The following CTNNA2 variants were observed in gnomAD, a reference collection of about 807,000 sequenced individuals.
CTNNA2 encodes catenin alpha 2.
Under a neutral mutation model 101.0 loss-of-function variants are expected in CTNNA2, and 42 were observed. That is an observed-to-expected ratio of 0.42 (90% CI 0.32 to 0.54). The LOEUF (loss-of-function observed/expected upper bound fraction) is 0.54, where lower values mean the gene tolerates loss of function less well. CTNNA2 is among the 20% of genes least tolerant of loss of function. The probability of loss-of-function intolerance (pLI) is 0.14; values close to 1 mark genes in which losing one functional copy is unlikely to be tolerated. For synonymous variants in CTNNA2, 450 were observed against 456.4 expected, an observed-to-expected ratio of 0.99 and a Z score of 0.18; for missense variants, 871 against 1,223.1, an observed-to-expected ratio of 0.71 and a Z score of 4.29.
chr2:79,375,452 T>C (rs1677957084), intron 4 of CTNNA2, among the ~76,000 whole-genome samples: 1 of 152,100 alleles, frequency 6.6e-6, no homozygotes, highest in Admixed American at 6.6e-5. Flanking sequence ...GAAGAAAGAG[T>C]CCTCAAAGAT....
At chr2:79,332,630 G>A (rs1158774257) in intron 3 of CTNNA2, among the ~76,000 whole-genome samples, 6 of 152,118 alleles carry the variant, frequency 3.9e-5, no homozygotes, top group African/African-American at 9.7e-5. Context: ...TTTTAAAAAT[G>A]GTCAGCAATC....
intron 3 of CTNNA2, among the ~76,000 whole-genome samples, chr2:79,766,080 T>A (rs1223625698): frequency 6.6e-6 from 1 of 152,222 alleles, no homozygotes; most frequent in Non-Finnish European, 1.5e-5. Flanking sequence ...GTCAGTGTTA[T>A]AATATTCTGT....
At chr2:80,104,495 C>T (rs752052992) in intron 7 of CTNNA2, among the ~76,000 whole-genome samples, 25 of 152,120 alleles carry the variant, frequency 1.6e-4, no homozygotes, top group Non-Finnish European at 2.2e-4. Flanking sequence ...AACTTCTAAC[C>T]GACAATAAAC....
chr2:79,781,010 A>C (rs1674380541), intron 3 of CTNNA2, among the ~76,000 whole-genome samples: 1 of 152,224 alleles, frequency 6.6e-6, no homozygotes. Context: ...CATGCAAGAA[A>C]GAATTCAGGT....
intron 7 of CTNNA2, among the ~76,000 whole-genome samples, chr2:80,277,048 T>A (rs1377971982): frequency 6.6e-6 from 1 of 152,168 alleles, no homozygotes; most frequent in Non-Finnish European, 1.5e-5. Flanking sequence ...TTCTGACAAC[T>A]TCCTTGGTTC....
intron 7 of CTNNA2, among the ~76,000 whole-genome samples, chr2:79,928,929 T>C (rs1687208928): frequency 6.6e-6 from 1 of 152,234 alleles, no homozygotes; most frequent in African/African-American, 2.4e-5. Context: ...AGGTATATAT[T>C]GTCTGTTTCA....
chr2:80,246,730 A>G (rs1671357177), intron 7 of CTNNA2, among the ~76,000 whole-genome samples: 1 of 152,240 alleles, frequency 6.6e-6, no homozygotes, highest in Non-Finnish European at 1.5e-5. Flanking sequence ...TGCTAGATCT[A>G]GAATCACTTT....
chr2:80,102,584 C>T (rs895337047), intron 7 of CTNNA2, among the ~76,000 whole-genome samples: 5 of 152,200 alleles, frequency 3.3e-5, no homozygotes, highest in Admixed American at 6.5e-5. Context: ...ATGATCTCAG[C>T]TCACTGCAAC....
chr2:80,260,940 G>T (rs1433702289), intron 7 of CTNNA2, among the ~76,000 whole-genome samples: 1 of 152,100 alleles, frequency 6.6e-6, no homozygotes, highest in Non-Finnish European at 1.5e-5. Flanking sequence ...GAGTGCAAGT[G>T]CTGGGAACCA....
intron 2 of CTNNA2, among the ~76,000 whole-genome samples, chr2:79,686,810 G>GA (rs916428638): frequency 2.0e-4 from 31 of 152,056 alleles, no homozygotes; most frequent in African/African-American, 7.0e-4. Context: ...GTCCCAATTT[G>GA]AAAAAAATAC....
intron 12 of CTNNA2, among the ~76,000 whole-genome samples, chr2:80,565,390 G>A (rs1034976617): frequency 6.6e-6 from 1 of 152,110 alleles, no homozygotes; most frequent in Admixed American, 6.6e-5. Flanking sequence ...CTGTCACCAG[G>A]ATGATACGGG....
At chr2:79,412,434 G>A (rs1158037066) in intron 4 of CTNNA2, among the ~76,000 whole-genome samples, 1 of 151,950 alleles carries the variant, frequency 6.6e-6, no homozygotes, top group African/African-American at 2.4e-5. Context: ...CAAATCAACA[G>A]AGTATACATT....
At chr2:80,153,167 C>A (rs886785133) in intron 7 of CTNNA2, among the ~76,000 whole-genome samples, 19 of 152,196 alleles carry the variant, frequency 1.2e-4, no homozygotes, top group Non-Finnish European at 2.1e-4. Context: ...AGGCACCTCT[C>A]CTCTGCTTCA....
intron 13 of CTNNA2, 38 bp from the exon 14 acceptor site, chr2:80,581,668 C>A: frequency 7.7e-7 from 1 of 1,298,342 alleles, no homozygotes; most frequent in Non-Finnish European, 1.1e-6. Context: ...TGAAGATTAT[C>A]AATTTAAGTA....
At chr2:79,603,238 A>G (rs1677662129) in intron 1 of CTNNA2, among the ~76,000 whole-genome samples, 1 of 152,194 alleles carries the variant, frequency 6.6e-6, no homozygotes, top group Non-Finnish European at 1.5e-5. Flanking sequence ...CATACCACAT[A>G]TTAAAAATTA....
chr2:79,744,174 G>A (rs1453084378), intron 2 of CTNNA2, among the ~76,000 whole-genome samples: 1 of 152,084 alleles, frequency 6.6e-6, no homozygotes, highest in Admixed American at 6.5e-5. Flanking sequence ...TTTTCCACAG[G>A]AAATAAATGA....
At chr2:80,610,139 C>G (rs1211281464) in intron 17 of CTNNA2, among the ~76,000 whole-genome samples, 1 of 151,666 alleles carries the variant, frequency 6.6e-6, no homozygotes, top group African/African-American at 2.4e-5. Flanking sequence ...GCTATATATG[C>G]TCTGTCATGG....
intron 4 of CTNNA2, 35 bp downstream of exon 4, chr2:79,858,214 G>A (rs746748419): frequency 1.3e-6 from 2 of 1,545,480 alleles, no homozygotes; most frequent in South Asian, 2.3e-5. Flanking sequence ...CTTTCTTTAT[G>A]TGAGTGGCAA....
intron 7 of CTNNA2, among the ~76,000 whole-genome samples, chr2:80,382,385 A>G (rs1042296127): frequency 6.6e-6 from 1 of 152,074 alleles, no homozygotes; most frequent in Non-Finnish European, 1.5e-5. Context: ...GCTCATGACA[A>G]GTTTCTGAAC....
Sources: allele counts gnomAD v4.1 joint callset (sites outside exome capture counted in the v4.1 genomes callset), GRCh38; gene constraint gnomAD v4.1.1; transcripts MANE v1.5; gene names NCBI Gene and HGNC (gene_info 2026-07-23, HGNC 2026-07-21).